The following SDK2 variants were observed in gnomAD, a reference collection of about 807,000 sequenced individuals.
The protein encoded by SDK2 is sidekick cell adhesion molecule 2.
Under a neutral mutation model 253.9 loss-of-function variants are expected in SDK2, and 105 were observed. That is an observed-to-expected ratio of 0.41 (90% CI 0.35 to 0.49). SDK2 has a LOEUF of 0.49. SDK2 is among the 20% of genes least tolerant of loss of function. SDK2 has a pLI of 0.06. For synonymous variants in SDK2, 1,249 were observed against 1,234.9 expected (o/e 1.01, Z -0.24); for missense variants, 2,608 against 3,003.0 (o/e 0.87, Z 3.07).
chr17:73,349,411 G>T (rs1217150373), intron 43 of SDK2, among the ~76,000 whole-genome samples: 1 of 152,248 alleles, frequency 6.6e-6, no homozygotes, highest in East Asian at 1.9e-4. Context: ...CCTCCAATGA[G>T]CTGGGAATGC....
intron 36 of SDK2, chr17:73,369,250 G>A: frequency 2.2e-6 from 1 of 454,332 alleles, no homozygotes; most frequent in South Asian, 1.6e-5. Context: ...AGATAAGGCA[G>A]TGTGGAGTCT....
intron 18 of SDK2, among the ~76,000 whole-genome samples, chr17:73,411,817 G>C (rs556312602): frequency 2.0e-4 from 29 of 144,404 alleles, no homozygotes; most frequent in Non-Finnish European, 2.5e-4. Context: ...TCAGAGTCTC[G>C]CTGGAGTGTA....
At chr17:73,473,482 A>T (rs7222264) in intron 2 of SDK2, among the ~76,000 whole-genome samples, 83,322 of 152,048 alleles carry the variant, frequency 0.55, 23,096 homozygotes, top group East Asian at 0.65. Context: ...TTTGCCCAGC[A>T]GACCTGGTGG....
intron 29 of SDK2, among the ~76,000 whole-genome samples, chr17:73,389,374 A>G (rs893454261): frequency 5.8e-3 from 802 of 137,620 alleles, no homozygotes; most frequent in African/African-American, 0.027. Flanking sequence ...AGTAGGGACG[A>G]GGTTTCACCA....
At chr17:73,484,816 C>T (rs2145719701) in intron 2 of SDK2, among the ~76,000 whole-genome samples, 1 of 152,308 alleles carries the variant, frequency 6.6e-6, no homozygotes, top group East Asian at 1.9e-4. Context: ...TTTCTCTCCT[C>T]CCCCACTTTT....
At chr17:73,495,742 T>C (rs56872201) in intron 2 of SDK2, among the ~76,000 whole-genome samples, 1 of 151,888 alleles carries the variant, frequency 6.6e-6, no homozygotes, top group African/African-American at 2.4e-5. Context: ...TGGGAGGAGC[T>C]GGCCTCAGGT....
At chr17:73,351,200 C>G (rs981192699) in intron 41 of SDK2, among the ~76,000 whole-genome samples, 4 of 151,824 alleles carry the variant, frequency 2.6e-5, no homozygotes, top group Non-Finnish European at 5.9e-5. Context: ...ACCTCCACTT[C>G]CCGGGTTCAA....
intron 1 of SDK2, among the ~76,000 whole-genome samples, chr17:73,619,862 C>G (rs1034482108): frequency 6.6e-6 from 1 of 151,972 alleles, no homozygotes; most frequent in Non-Finnish European, 1.5e-5. Flanking sequence ...TGTAATGAAA[C>G]CTTACAACTG....
At chr17:73,483,705 ATATTTT>A (rs2063752756) in intron 2 of SDK2, among the ~76,000 whole-genome samples, 3 of 56,678 alleles carry the variant, frequency 5.3e-5, no homozygotes, top group African/African-American at 2.5e-4. Context: ...ATATATATAT[ATATTTT>A]TTTTTTTTTT....
chr17:73,402,257 G>A, intron 18 of SDK2, 116 bp from the exon 19 acceptor site: 1 of 1,111,180 alleles, frequency 9.0e-7, no homozygotes, highest in Non-Finnish European at 1.3e-6. Flanking sequence ...AGTCCCTGTG[G>A]TGCCTCCTCC....
intron 1 of SDK2, among the ~76,000 whole-genome samples, chr17:73,508,177 C>T (rs1337635154): frequency 2.0e-5 from 3 of 152,256 alleles, no homozygotes; most frequent in South Asian, 2.1e-4. Flanking sequence ...TCTACCTCCC[C>T]GTTCACTCTA....
intron 9 of SDK2, 62 bp from the exon 10 acceptor site, chr17:73,433,910 G>T: frequency 8.2e-7 from 1 of 1,216,312 alleles, no homozygotes; most frequent in Non-Finnish European, 1.1e-6. Flanking sequence ...AAGCCAGAGG[G>T]CCAGGGGCCT....
chr17:73,419,892 A>AT lies in SDK2; in HGVS notation c.2046-587_2046-586insA, dbSNP rs202168452. ...GAGACCCTGTCTCAAAAAAAAAAAA[A>AT]AAATTAATGTACATGTTTTTGGTGC... On this transcript the variant is annotated intron_variant, in intron 15 of 44. Transcript: ENST00000392650. Among the ~76,000 whole-genome samples the AT allele has an allele frequency of 2.3e-4, 35 of 151,986 alleles. 1 individual carries two copies. Among genetic ancestry groups the AT allele is most frequent in the African/African-American group, 8.2e-4 (34 of 41,456 alleles).
chr17:73,641,863 C>G (rs1386339975), intron 1 of SDK2, among the ~76,000 whole-genome samples: 1 of 152,126 alleles, frequency 6.6e-6, no homozygotes, highest in Non-Finnish European at 1.5e-5. Context: ...CTCCAACACT[C>G]AAACCCAGCA....
chr17:73,380,049 T>G (rs2062817989), intron 34 of SDK2, among the ~76,000 whole-genome samples: 1 of 152,044 alleles, frequency 6.6e-6, no homozygotes, highest in Non-Finnish European at 1.5e-5. Context: ...AAGTTTGAGG[T>G]GCTTGGCTGA....
chr17:73,533,740 C>T (rs1325459402), intron 1 of SDK2, among the ~76,000 whole-genome samples: 1 of 149,332 alleles, frequency 6.7e-6, no homozygotes, highest in Non-Finnish European at 1.5e-5. Flanking sequence ...CAGCACCTTT[C>T]TTGCAGCTCT....
chr17:73,503,747 G>T (rs534154304), intron 2 of SDK2, among the ~76,000 whole-genome samples: 1 of 152,294 alleles, frequency 6.6e-6, no homozygotes, highest in East Asian at 1.9e-4. Context: ...CCTGGAGTAG[G>T]CACATGATGC....
rs1341499019 is a variant in SDK2, at chr17:73,629,818, C to T, written c.64+14207G>A. 6.6e-6 allele frequency among the ~76,000 whole-genome samples: 1 copy of T among 152,138 alleles called. No individual in the cohort carries two copies. Among genetic ancestry groups the T allele is most frequent in the Non-Finnish European group, 1.5e-5 (1 of 68,032 alleles). On this transcript the variant is annotated intron_variant, in intron 1 of 44. Coordinates refer to ENST00000392650, the MANE Select transcript of SDK2 (RefSeq NM_001144952.2). The surrounding 1 kb of genome is among the most constrained non-coding windows in gnomAD (Gnocchi z 5.0). ...AAGTGCATGAGAAGCAAAAGAGGTT[C>T]ATGGTTTTGGTTATCCATTGGCTCA...
At chr17:73,586,989 T>G (rs558770589) in intron 1 of SDK2, among the ~76,000 whole-genome samples, 1 of 152,352 alleles carries the variant, frequency 6.6e-6, no homozygotes, top group East Asian at 1.9e-4. Context: ...GGAAAGAGAA[T>G]GCCTCTTGCA....
Sources: allele counts gnomAD v4.1 joint callset (sites outside exome capture counted in the v4.1 genomes callset), GRCh38; gene constraint gnomAD v4.1.1; non-coding constraint Gnocchi (gnomAD v3.1); transcripts MANE v1.5; gene names NCBI Gene and HGNC (gene_info 2026-07-23, HGNC 2026-07-21).